The following TSHZ2 variants were observed in gnomAD, a reference collection of about 807,000 sequenced individuals.
The protein encoded by TSHZ2 is teashirt homolog 2.
A neutral mutation model predicts 74.4 loss-of-function variants in TSHZ2; 21 were observed. The ratio of observed to expected loss-of-function variants is 0.28; its 90% CI spans 0.20 to 0.41. The LOEUF (loss-of-function observed/expected upper bound fraction) is 0.41, where lower values mean the gene tolerates loss of function less well. TSHZ2 is among the 10% of genes least tolerant of loss of function. The pLI, the probability that TSHZ2 is intolerant of heterozygous loss-of-function variation, is 1.00. For synonymous variants in TSHZ2, 540 were observed against 515.3 expected (o/e 1.05, Z -0.65); for missense variants, 1,244 against 1,293.5 (o/e 0.96, Z 0.59).
chr20:53,302,158 G>A (rs900441897), intron 2 of TSHZ2, among the ~76,000 whole-genome samples: 1 of 152,166 alleles, frequency 6.6e-6, no homozygotes, highest in African/African-American at 2.4e-5. Flanking sequence ...CTTGATATGA[G>A]TGAGGAGCGA....
At chr20:53,050,589 G>A (rs1018426385) in intron 1 of TSHZ2, among the ~76,000 whole-genome samples, 3 of 152,236 alleles carry the variant, frequency 2.0e-5, no homozygotes, top group African/African-American at 7.2e-5. Flanking sequence ...AATGTCAGCA[G>A]AGACGTGTCA....
At chr20:53,279,948 G>A (rs969473855) in intron 2 of TSHZ2, among the ~76,000 whole-genome samples, 11 of 152,192 alleles carry the variant, frequency 7.2e-5, no homozygotes, top group African/African-American at 1.7e-4. Context: ...AGCTGGGCTC[G>A]TTGTGGGGAA....
chr20:53,182,819 G>C (rs66861430), intron 1 of TSHZ2, among the ~76,000 whole-genome samples: 7,911 of 152,088 alleles, frequency 0.052, 289 homozygotes, highest in East Asian at 0.099. Flanking sequence ...TTTGAACAGG[G>C]ATACAGCCTA....
intron 2 of TSHZ2, among the ~76,000 whole-genome samples, chr20:53,291,860 T>C (rs1319011900): frequency 6.6e-6 from 1 of 152,192 alleles, no homozygotes. Context: ...AAGGCAAACC[T>C]TAATTTCTGC....
rs762912059 is a variant in TSHZ2 at position 52,989,134 on chromosome 20, A to G, written c.40+15801A>G. On this transcript the variant is annotated intron_variant, in intron 1 of 2. Transcript: ENST00000371497. ...CTATCTGAGAGGGAGAATGTTGTCTACACCAGAAATCATGATAGACTCTGT... is the reference window on the plus strand; with the variant it reads ...CTATCTGAGAGGGAGAATGTTGTCTGCACCAGAAATCATGATAGACTCTGT... 1.5e-3 allele frequency among the ~76,000 whole-genome samples: 231 copies of G among 150,652 alleles called. 2 individuals carry two copies. The highest frequency in any genetic ancestry group is 4.9e-3 in the African/African-American group (201 of 40,908).
At chr20:53,207,977 G>A (rs951163581) in intron 1 of TSHZ2, among the ~76,000 whole-genome samples, 1 of 150,562 alleles carries the variant, frequency 6.6e-6, no homozygotes, top group Non-Finnish European at 1.5e-5. Flanking sequence ...TGGGATGACA[G>A]GCAGGAGCCA....
intron 1 of TSHZ2, among the ~76,000 whole-genome samples, chr20:53,058,868 G>A (rs6068445): frequency 0.32 from 48,387 of 152,092 alleles, 7,751 homozygotes; most frequent in African/African-American, 0.34. Flanking sequence ...TCTTGGAGAT[G>A]ACTTGGGTAT....
At chr20:53,473,910 A>AT (rs1199192390) in intron 2 of TSHZ2, among the ~76,000 whole-genome samples, 1 of 152,214 alleles carries the variant, frequency 6.6e-6, no homozygotes, top group East Asian at 1.9e-4. Flanking sequence ...GGTATCAGCG[A>AT]TGGAAGATGA....
intron 1 of TSHZ2, among the ~76,000 whole-genome samples, chr20:53,244,057 A>G (rs1278072071): frequency 6.6e-6 from 1 of 152,190 alleles, no homozygotes; most frequent in Non-Finnish European, 1.5e-5. Flanking sequence ...CAAAAAGGAA[A>G]CAAGATCACC....
chr20:53,112,888 A>C (rs1399621310), intron 1 of TSHZ2, among the ~76,000 whole-genome samples: 1 of 152,226 alleles, frequency 6.6e-6, no homozygotes, highest in Non-Finnish European at 1.5e-5. Context: ...CTTGAAAATA[A>C]CCTATTATTT....
At chr20:53,000,997 G>A (rs1284555339) in intron 1 of TSHZ2, among the ~76,000 whole-genome samples, 1 of 152,172 alleles carries the variant, frequency 6.6e-6, no homozygotes, top group African/African-American at 2.4e-5. Flanking sequence ...GGAAATCTGA[G>A]AGGCTCTCTA....
At chr20:53,231,891 AT>A (rs368651479) in intron 1 of TSHZ2, among the ~76,000 whole-genome samples, 14 of 151,376 alleles carry the variant, frequency 9.2e-5, no homozygotes, top group Admixed American at 3.3e-4. Context: ...ACAAAACAAT[AT>A]TTTTTTTTCT....
intron 1 of TSHZ2, among the ~76,000 whole-genome samples, chr20:53,173,507 C>T (rs943317522): frequency 9.2e-5 from 14 of 152,268 alleles, no homozygotes; most frequent in African/African-American, 2.6e-4. Flanking sequence ...ACTCAGGAGG[C>T]TGAGGCAGGA....
At chr20:53,080,438 A>C (rs1289135752) in intron 1 of TSHZ2, among the ~76,000 whole-genome samples, 1 of 152,192 alleles carries the variant, frequency 6.6e-6, no homozygotes, top group Admixed American at 6.5e-5. Context: ...CTCTATTAAC[A>C]TTGCAAGTCA....
chr20:53,269,798 A>G (rs77467536), intron 2 of TSHZ2, among the ~76,000 whole-genome samples: 1 of 93,282 alleles, frequency 1.1e-5, no homozygotes, highest in Non-Finnish European at 2.2e-5. Context: ...AGAGTATAAT[A>G]AAAAAAAAAG....
At chr20:53,094,698 T>C (rs909468563) in intron 1 of TSHZ2, among the ~76,000 whole-genome samples, 6 of 152,082 alleles carry the variant, frequency 3.9e-5, no homozygotes, top group African/African-American at 1.4e-4. Flanking sequence ...TTATAACAGG[T>C]GTCAAAAATG....
chr20:53,394,089 G>T (rs370871400), intron 2 of TSHZ2, among the ~76,000 whole-genome samples: 2 of 152,194 alleles, frequency 1.3e-5, no homozygotes, highest in African/African-American at 4.8e-5. Context: ...CTTTTTAACG[G>T]TTGCTGATCC....
intron 1 of TSHZ2, among the ~76,000 whole-genome samples, chr20:53,225,692 C>G (rs1600752493): frequency 6.6e-6 from 1 of 152,268 alleles, no homozygotes; most frequent in East Asian, 1.9e-4. Context: ...AGCAGTTTTC[C>G]TAAAATCACA....
chr20:53,261,775 C>G (rs1412256227), intron 2 of TSHZ2, among the ~76,000 whole-genome samples: 1 of 152,050 alleles, frequency 6.6e-6, no homozygotes, highest in Admixed American at 6.5e-5. Context: ...TTTTTTCTTT[C>G]GCTAAATTGA....
Sources: gnomAD v4.1 joint callset for allele counts (sites outside exome capture counted in the v4.1 genomes callset) on GRCh38, gnomAD v4.1.1 for gene constraint, MANE v1.5 for transcripts, NCBI Gene and HGNC (gene_info 2026-07-23, HGNC 2026-07-21) for gene names.